DAB2IP: variants seen among roughly 807,000 people sequenced by gnomAD.
DAB2IP encodes DAB2 interacting protein, also known as disabled homolog 2-interacting protein.
DAB2IP carries 28 observed loss-of-function variants against 107.2 expected under a neutral mutation model. The observed-to-expected ratio is 0.26, with a 90% CI of 0.19 to 0.36. DAB2IP has a LOEUF of 0.36. Ranked by LOEUF, DAB2IP falls within the 10% of genes least tolerant of loss-of-function variation. The pLI, the probability that DAB2IP is intolerant of heterozygous loss-of-function variation, is 1.00. For synonymous variants in DAB2IP, 755 were observed against 706.4 expected, an observed-to-expected ratio of 1.07 and a Z score of -1.09; for missense variants, 1,400 against 1,644.7, an observed-to-expected ratio of 0.85 and a Z score of 2.57.
chr9:121,601,902 G>A (rs1830694831), intron 1 of DAB2IP, among the ~76,000 whole-genome samples: 1 of 151,672 alleles, frequency 6.6e-6, no homozygotes, highest in Non-Finnish European at 1.5e-5. Context: ...GTGTGTGTGT[G>A]TGTGCGCGTG....
At chr9:121,652,395 A>G (rs1303880731) in intron 1 of DAB2IP, among the ~76,000 whole-genome samples, 4 of 152,010 alleles carry the variant, frequency 2.6e-5, no homozygotes, top group African/African-American at 9.7e-5. Flanking sequence ...TCCTTTGCAA[A>G]GTTTCTCTCC....
chr9:121,758,772 C>A, intron 4 of DAB2IP, 126 bp from the exon 5 acceptor site: 1 of 783,004 alleles, frequency 1.3e-6, no homozygotes, highest in Non-Finnish European at 2.2e-6. Context: ...TGTCCTGGCT[C>A]CTTCCTGAAG....
chr9:121,665,987 A>G (rs1833403562), intron 1 of DAB2IP, among the ~76,000 whole-genome samples: 1 of 152,236 alleles, frequency 6.6e-6, no homozygotes, highest in Admixed American at 6.5e-5. Context: ...TTGTAACTCA[A>G]AGCAACAGAA....
At position 121,583,471 on chromosome 9, in the gene DAB2IP, GC is replaced by G. The variant is rs1589376843; in HGVS notation, c.40+16245del. 3.3e-5 allele frequency among the ~76,000 whole-genome samples: 5 copies of G among 152,274 alleles called. 1 individual carries two copies. In the East Asian group the frequency reaches 9.7e-4, roughly 29 times the overall value. ...GGTAGGGGAGGAGCCGGCTCTTCTG[GC>G]CACTGAGGAACGTGCCAGAACAGAC... On this transcript the variant is annotated intron_variant, in intron 1 of 16. Transcript: ENST00000259371.
intron 1 of DAB2IP, among the ~76,000 whole-genome samples, chr9:121,597,793 T>C (rs1387902912): frequency 6.6e-6 from 1 of 151,956 alleles, no homozygotes; most frequent in Non-Finnish European, 1.5e-5. Context: ...GGATTAGGGG[T>C]TCTATAAGAT....
chr9:121,608,321 C>A (rs1830955584), intron 1 of DAB2IP, among the ~76,000 whole-genome samples: 1 of 152,186 alleles, frequency 6.6e-6, no homozygotes, highest in Admixed American at 6.5e-5. Flanking sequence ...CTGTCTGATC[C>A]TCAGCCCCTG....
At position 121,716,076 on chromosome 9, in the gene DAB2IP, A is replaced by AG. The variant is rs895389745; in HGVS notation, c.362+16624dup. 3.1e-4 allele frequency among the ~76,000 whole-genome samples: 47 copies of AG among 152,206 alleles called. 1 individual carries two copies. Among genetic ancestry groups the AG allele is most frequent in the Admixed American group, 2.6e-3 (40 of 15,282 alleles). ...TGGGAGGGTCAGGGTCACAGGTCTA[A>AG]GGGGGGCTCTGGAATCTGTATTCCT... On this transcript the variant is annotated intron_variant, in intron 3 of 15. Transcript: ENST00000408936.
At chr9:121,678,563 C>T in intron 1 of DAB2IP, 115 bp from the exon 2 acceptor site, 1 of 844,708 alleles carries the variant, frequency 1.2e-6, no homozygotes, top group Non-Finnish European at 1.7e-6. Flanking sequence ...GTGCCTGGAC[C>T]ATTTTCTAGG....
intron 3 of DAB2IP, among the ~76,000 whole-genome samples, chr9:121,731,205 G>A (rs1374885202): frequency 6.6e-6 from 1 of 152,210 alleles, no homozygotes; most frequent in African/African-American, 2.4e-5. Flanking sequence ...CCTGAGGACA[G>A]ACCGGGTGTC....
At chr9:121,639,858 C>T (rs753472345) in intron 1 of DAB2IP, among the ~76,000 whole-genome samples, 3 of 152,160 alleles carry the variant, frequency 2.0e-5, no homozygotes, top group African/African-American at 7.2e-5. Context: ...TTTGGAATCA[C>T]CTGTGGGACC....
At chr9:121,685,460 C>T (rs927361275) in intron 2 of DAB2IP, among the ~76,000 whole-genome samples, 2 of 152,132 alleles carry the variant, frequency 1.3e-5, no homozygotes, top group African/African-American at 4.8e-5. Context: ...GGGAGGCTGT[C>T]GCCCCACCCC....
In DAB2IP at chr9:121,782,909, C is replaced by T; in HGVS notation, c.*411C>T. ...GGGATTCAAGGGCTAGGGGCCTACA[C>T]CTGTGGCTTCCCCTCGCCTCCTTGG... is the stretch of plus-strand genomic sequence containing the variant. On this transcript the variant is annotated 3_prime_UTR_variant, in exon 16 of 16. Coordinates refer to ENST00000408936, the Ensembl canonical transcript of DAB2IP. The surrounding 1 kb of genome is among the most constrained non-coding windows in gnomAD (Gnocchi z 6.1). 1 of 1,032,492 alleles carries T rather than the reference C, an allele frequency of 9.7e-7. No homozygotes were observed. Among genetic ancestry groups the T allele is most frequent in the Non-Finnish European group, 1.2e-6 (1 of 859,290 alleles). 64.0% of individuals were successfully genotyped at this position (1,032,492 alleles called of 1,614,324 possible).
At chr9:121,749,345 C>T (rs1832944167) in intron 3 of DAB2IP, among the ~76,000 whole-genome samples, 1 of 152,220 alleles carries the variant, frequency 6.6e-6, no homozygotes, top group African/African-American at 2.4e-5. Flanking sequence ...CCAGTGTGGG[C>T]AGACGCTTCT....
chr9:121,578,722 CTTTTTTTTTTTTTTTTTTTTT>C lies in DAB2IP; in HGVS notation c.40+11510_40+11530del, dbSNP rs749525264. 6.3e-5 allele frequency among the ~76,000 whole-genome samples: 3 copies of C among 47,324 alleles called. 1 individual carries two copies. The highest frequency in any genetic ancestry group is 7.4e-4 in the Admixed American group (2 of 2,694). The allele number at this position is 47,324 out of a possible 152,430, so 31.0% of individuals were successfully genotyped here. On this transcript the variant is annotated intron_variant, in intron 1 of 16. Coordinates refer to the DAB2IP transcript ENST00000259371. ...CTGCCTCATCCTCTCCGGCCTATGTCTTTTTTTTTTTTTTTTTTTTTTTTTTTTTTTTTTTTGAGACGAAGT... is the reference window on the plus strand; with the variant it reads ...CTGCCTCATCCTCTCCGGCCTATGTCTTTTTTTTTTTTTTTGAGACGAAGT...
At chr9:121,779,774 C>T (rs140226736) in intron 14 of DAB2IP, among the ~76,000 whole-genome samples, 102 of 152,342 alleles carry the variant, frequency 6.7e-4, no homozygotes, top group African/African-American at 2.5e-3. Flanking sequence ...TTCTCATCTG[C>T]ATGCGGATAT....
At chr9:121,718,502 C>T (rs1830738740) in intron 3 of DAB2IP, among the ~76,000 whole-genome samples, 1 of 152,172 alleles carries the variant, frequency 6.6e-6, no homozygotes, top group Non-Finnish European at 1.5e-5. Flanking sequence ...CGAGTCCTTA[C>T]ACTGCATCAC....
At chr9:121,756,618 T>C (rs915930939) in intron 3 of DAB2IP, among the ~76,000 whole-genome samples, 3 of 152,178 alleles carry the variant, frequency 2.0e-5, no homozygotes, top group Non-Finnish European at 4.4e-5. Flanking sequence ...CAAGGACCAG[T>C]GCAAAAGAGA....
Position 121,698,333 on chromosome 9 carries a change from C to T in DAB2IP, c.229-992C>T, listed in dbSNP as rs1007791985. 6.6e-6 allele frequency among the ~76,000 whole-genome samples: 1 copy of T among 152,136 alleles called. No homozygotes were observed. The highest frequency in any genetic ancestry group is 1.5e-5 in the Non-Finnish European group (1 of 68,032). On this transcript the variant is annotated intron_variant, in intron 2 of 15. Coordinates refer to ENST00000408936, the Ensembl canonical transcript of DAB2IP. This position sits in a 1 kb window ranked among gnomAD's most constrained non-coding sequence, Gnocchi z 4.1. ...CAGGCTGTGTCCCCTGGGGCCCCCA[C>T]ATCTATCCCGTCACCTGTAAAGGGA...
intron 3 of DAB2IP, among the ~76,000 whole-genome samples, chr9:121,712,886 G>A (rs1830405184): frequency 1.3e-5 from 2 of 152,230 alleles, no homozygotes; most frequent in Non-Finnish European, 2.9e-5. Flanking sequence ...GTGCCAGCGT[G>A]TGTCTGAGCC....
Sources: allele counts gnomAD v4.1 joint callset (sites outside exome capture counted in the v4.1 genomes callset), GRCh38; gene constraint gnomAD v4.1.1; non-coding constraint Gnocchi (gnomAD v3.1); transcripts MANE v1.5; gene names NCBI Gene and HGNC (gene_info 2026-07-23, HGNC 2026-07-21).